The following ITGAL variants were observed in gnomAD, a reference collection of about 807,000 sequenced individuals.
ITGAL encodes the protein integrin subunit alpha L.
In ITGAL, 68 loss-of-function variants were observed where a neutral mutation model predicts 138.4. That is an observed-to-expected ratio of 0.49 (90% CI 0.40 to 0.60). ITGAL has a LOEUF of 0.60. Ranked by LOEUF, ITGAL falls within the 20% of genes least tolerant of loss-of-function variation. The probability of loss-of-function intolerance (pLI) is 0.00; values close to 1 mark genes in which losing one functional copy is unlikely to be tolerated. For synonymous variants in ITGAL, 561 were observed against 584.3 expected (o/e 0.96, Z 0.57); for missense variants, 1,256 against 1,478.6 (o/e 0.85, Z 2.47).
intron 4 of ITGAL, among the ~76,000 whole-genome samples, chr16:30,478,640 G>A (rs1228917042): frequency 4.8e-5 from 7 of 147,158 alleles, no homozygotes; most frequent in African/African-American, 1.8e-4. Context: ...GAAGCTTGCA[G>A]TGAGCCGAGA....
chr16:30,507,914 T>A (rs2051027890), intron 21 of ITGAL, among the ~76,000 whole-genome samples: 1 of 152,084 alleles, frequency 6.6e-6, no homozygotes, highest in Non-Finnish European at 1.5e-5. Context: ...ATTTATTTAT[T>A]TATTTATTTT....
intron 26 of ITGAL, 29 bp downstream of exon 26, chr16:30,517,115 A>G (rs772370601): frequency 2.1e-6 from 3 of 1,448,982 alleles, no homozygotes; most frequent in South Asian, 1.2e-5. Flanking sequence ...GGGAGGGTCT[A>G]CCCTCCTCAG....
In ITGAL at chr16:30,494,456, G is replaced by A; in HGVS notation, c.1365+93G>A. ...CTTTGAATGCTCATCCACTTACCAT[G>A]TGGCAGCCCCTGTGCTAAACATGAT... is the stretch of plus-strand genomic sequence containing the variant. On this transcript the variant is annotated intron_variant, in intron 12 of 30. Coordinates refer to ENST00000356798, the MANE Select transcript of ITGAL (RefSeq NM_002209.3). This position sits in a 1 kb window ranked among gnomAD's most constrained non-coding sequence, Gnocchi z 4.2. 1 of 1,349,816 alleles carries A rather than the reference G, an allele frequency of 7.4e-7. No homozygotes were observed. The highest frequency in any genetic ancestry group is 1.0e-6 in the Non-Finnish European group (1 of 994,892). The allele number at this position is 1,349,816 out of a possible 1,614,324, so 83.6% of individuals were successfully genotyped here. A position where few individuals can be genotyped will look rare whatever the true frequency, so the allele number is the denominator to read the frequency against.
intron 6 of ITGAL, 89 bp from the exon 7 acceptor site, chr16:30,481,345 TAAAAA>T (rs57608894): frequency 4.6e-3 from 2,033 of 446,284 alleles, no homozygotes; most frequent in East Asian, 7.2e-3. Flanking sequence ...AAACTCCATC[TAAAAA>T]AAAAAAAAAA....
In ITGAL at chr16:30,521,709, A is replaced by G. The variant is rs1246727428; in HGVS notation, c.*44A>G. The G allele has an allele frequency of 1.9e-6, 3 of 1,586,306 alleles. No homozygotes were observed. Among genetic ancestry groups the G allele is most frequent in the Non-Finnish European group, 1.7e-6 (2 of 1,161,866 alleles). On this transcript the variant is annotated 3_prime_UTR_variant, in exon 31 of 31. Coordinates refer to ENST00000356798, the MANE Select transcript of ITGAL (RefSeq NM_002209.3). ...CAGAGTGCCCAGAACTGGACTCAGGATGCCCAGGGCCACTCTGCCTCTGCC... is the reference window on the plus strand; with the variant it reads ...CAGAGTGCCCAGAACTGGACTCAGGGTGCCCAGGGCCACTCTGCCTCTGCC...
chr16:30,517,135 G>T (rs761432740), intron 26 of ITGAL, 49 bp downstream of exon 26: 3 of 1,269,100 alleles, frequency 2.4e-6, no homozygotes, highest in African/African-American at 1.5e-5. Context: ...GGTCTTGGGG[G>T]TGAGTGCATT....
At chr16:30,512,770 G>A (rs760386962) in intron 24 of ITGAL, among the ~76,000 whole-genome samples, 14 of 151,474 alleles carry the variant, frequency 9.2e-5, no homozygotes, top group Non-Finnish European at 1.3e-4. Context: ...GCACAATCTC[G>A]GCTCACTGCA....
At chr16:30,504,087 C>G in intron 17 of ITGAL, 88 bp from the exon 18 acceptor site, 1 of 1,023,970 alleles carries the variant, frequency 9.8e-7, no homozygotes, top group Non-Finnish European at 1.5e-6. Context: ...AATTTCATCA[C>G]TTGTAAAATG....
At position 30,511,050 on chromosome 16, in the gene ITGAL, T is replaced by G. The variant is rs753876193; in HGVS notation, c.2700T>G (p.Cys900Trp). 4.3e-6 allele frequency: 7 copies of G among 1,613,528 alleles called. No homozygotes were observed. The highest frequency in any genetic ancestry group is 5.1e-6 in the Non-Finnish European group (6 of 1,179,684). ...DSVELHANVT[C>W]NNEDSDLLED... ...TGGCCTCTTCCTTGCCCCAATGCAG[T>G]AACAATGAGGACTCAGACCTCCTGG... The change falls in exon 24 of 31, where the codon TGT becomes TGG. Residue 900 changes from cysteine to tryptophan, a missense_variant and splice_region_variant. Cys to Trp is a radical substitution (Grantham distance 215, BLOSUM62 -2). Around this residue, in one of 3 missense-constraint regions of ITGAL, gnomAD observed 867 missense variants for 972.5 expected, o/e 0.89. Coordinates refer to ENST00000356798, the MANE Select transcript of ITGAL (RefSeq NM_002209.3).
At chr16:30,493,134 C>T (rs1041922825) in intron 11 of ITGAL, among the ~76,000 whole-genome samples, 1 of 152,074 alleles carries the variant, frequency 6.6e-6, no homozygotes, top group African/African-American at 2.4e-5. Flanking sequence ...GATCCTCCTA[C>T]CTCGGCTTCC....
At chr16:30,519,025 A>T (rs1344341818) in intron 29 of ITGAL, among the ~76,000 whole-genome samples, 3 of 152,154 alleles carry the variant, frequency 2.0e-5, no homozygotes, top group Non-Finnish European at 4.4e-5. Context: ...GGAGTTCAAG[A>T]CCAGCCTGGC....
intron 17 of ITGAL, among the ~76,000 whole-genome samples, chr16:30,501,019 T>A (rs1176104274): frequency 2.7e-5 from 4 of 147,054 alleles, no homozygotes; most frequent in Non-Finnish European, 4.5e-5. Context: ...AAAAAAAAAA[T>A]AGTTTTTGTA....
intron 21 of ITGAL, among the ~76,000 whole-genome samples, chr16:30,508,206 C>T (rs1306840953): frequency 2.1e-5 from 3 of 140,924 alleles, no homozygotes; most frequent in African/African-American, 7.9e-5. Context: ...CCACGCCCGG[C>T]CTATTTTTTT....
At chr16:30,497,965 C>T (rs941629598) in intron 15 of ITGAL, among the ~76,000 whole-genome samples, 1 of 151,016 alleles carries the variant, frequency 6.6e-6, no homozygotes, top group Non-Finnish European at 1.5e-5. Flanking sequence ...AATAAATAGG[C>T]CGGATGCAAT....
Position 30,479,147 on chromosome 16 carries a change from G to C in ITGAL, c.384G>C (p.Leu128=). ...ACCAGAACACCTATCTGAGTGGCCT[G>C]TGTTACCTCTTCCGCCAGAATCTGC... ...TCDQNTYLSG[L]CYLFRQNLQG... The change falls in exon 5 of 31, where the codon CTG becomes CTC. Residue 128 remains leucine, a synonymous_variant. Coordinates refer to ENST00000356798, the MANE Select transcript of ITGAL (RefSeq NM_002209.3). 6.2e-7 allele frequency: 1 copy of C among 1,614,190 alleles called. No individual in the cohort carries two copies. Among genetic ancestry groups the C allele is most frequent in the Non-Finnish European group, 8.5e-7 (1 of 1,180,042 alleles).
intron 4 of ITGAL, among the ~76,000 whole-genome samples, chr16:30,478,084 C>T (rs1320694907): frequency 1.3e-5 from 2 of 151,416 alleles, no homozygotes; most frequent in Non-Finnish European, 2.9e-5. Context: ...CTCCTGTAAT[C>T]CCAGCACTTT....
At chr16:30,488,090 G>A (rs1345863441) in intron 9 of ITGAL, among the ~76,000 whole-genome samples, 3 of 151,862 alleles carry the variant, frequency 2.0e-5, no homozygotes, top group African/African-American at 7.3e-5. Flanking sequence ...AGCTACTTGG[G>A]ATGCTGAGGC....
At chr16:30,501,311 C>T (rs2050894258) in intron 17 of ITGAL, among the ~76,000 whole-genome samples, 1 of 151,964 alleles carries the variant, frequency 6.6e-6, no homozygotes, top group Admixed American at 6.6e-5. Context: ...CACGGTGGTT[C>T]ATACCTGTAA....
intron 11 of ITGAL, among the ~76,000 whole-genome samples, chr16:30,492,376 G>C (rs1337820558): frequency 6.6e-6 from 1 of 150,988 alleles, no homozygotes; most frequent in Non-Finnish European, 1.5e-5. Context: ...TCAGCCTCCT[G>C]AGTAGCCGGG....
Sources: gnomAD v4.1 joint callset for allele counts (sites outside exome capture counted in the v4.1 genomes callset) on GRCh38, gnomAD v4.1.1 for gene constraint, gnomAD v4.1.1 regional missense constraint, Gnocchi (gnomAD v3.1) non-coding constraint, MANE v1.5 for transcripts, NCBI Gene and HGNC (gene_info 2026-07-23, HGNC 2026-07-21) for gene names.